USP30: variants seen among roughly 807,000 people sequenced by gnomAD.
USP30 encodes the protein ubiquitin carboxyl-terminal hydrolase 30.
In USP30, 41 loss-of-function variants were observed where a neutral mutation model predicts 68.2. The ratio of observed to expected loss-of-function variants is 0.60; its 90% CI spans 0.47 to 0.78. The LOEUF is 0.78. Ranked by LOEUF, USP30 falls within the 30% of genes least tolerant of loss-of-function variation. The pLI is 0.00. For synonymous variants in USP30, 229 were observed against 253.7 expected (o/e 0.90, Z 0.93); for missense variants, 522 against 649.4 (o/e 0.80, Z 2.13).
intron 11 of USP30, 123 bp from the exon 12 acceptor site, chr12:109,084,830 C>T: frequency 8.7e-7 from 1 of 1,149,440 alleles, no homozygotes; most frequent in Non-Finnish European, 1.2e-6. Flanking sequence ...TATATAATAC[C>T]AAATGAAATA....
At chr12:109,043,968 G>A (rs2040582901) in intron 3 of USP30, among the ~76,000 whole-genome samples, 1 of 152,138 alleles carries the variant, frequency 6.6e-6, no homozygotes, top group Admixed American at 6.5e-5. Flanking sequence ...GTAGCAACCC[G>A]TGTCCATCAA....
chr12:109,072,769 A>C (rs902390482), intron 6 of USP30, among the ~76,000 whole-genome samples: 1 of 152,234 alleles, frequency 6.6e-6, no homozygotes, highest in Non-Finnish European at 1.5e-5. Flanking sequence ...TCTGTGTAGT[A>C]ATAGGAACAA....
chr12:109,028,862 C>T (rs2040462714), intron 3 of USP30, among the ~76,000 whole-genome samples: 1 of 152,190 alleles, frequency 6.6e-6, no homozygotes, highest in African/African-American at 2.4e-5. Flanking sequence ...AGGATCCACC[C>T]GCATGATCCA....
chr12:109,063,128 C>G (rs1566091004), intron 3 of USP30, among the ~76,000 whole-genome samples: 1 of 151,480 alleles, frequency 6.6e-6, no homozygotes, highest in Non-Finnish European at 1.5e-5. Flanking sequence ...AAGACAAAGT[C>G]TCATTCTGTC....
At chr12:109,036,482 G>C (rs2040521801) in intron 3 of USP30, among the ~76,000 whole-genome samples, 1 of 152,022 alleles carries the variant, frequency 6.6e-6, no homozygotes, top group Non-Finnish European at 1.5e-5. Context: ...ATTTTGGATA[G>C]AGATGGGGTT....
rs550607592 is a variant in USP30, at chr12:109,063,100, C to T, written c.377-4424C>T. ...TTCATTTTTAAGGCTGAATAATATT[C>T]TTTCTATTTTTTTTTTTAAGACAAA... On this transcript the variant is annotated intron_variant, in intron 3 of 12. Transcript: ENST00000257548. 9.5e-3 allele frequency among the ~76,000 whole-genome samples: 1,153 copies of T among 121,930 alleles called. 9 individuals are homozygous for T. Among genetic ancestry groups the T allele is most frequent in the Non-Finnish European group, 0.016 (841 of 53,878 alleles). 80.0% of individuals were successfully genotyped at this position (121,930 alleles called of 152,430 possible).
At chr12:109,038,137 A>G (rs1196480249) in intron 3 of USP30, among the ~76,000 whole-genome samples, 3 of 151,176 alleles carry the variant, frequency 2.0e-5, no homozygotes, top group Non-Finnish European at 4.4e-5. Flanking sequence ...CCCAACATTC[A>G]TGAGCTGTTA....
At chr12:109,075,758 A>G (rs139772885) in intron 7 of USP30, among the ~76,000 whole-genome samples, 12 of 150,958 alleles carry the variant, frequency 7.9e-5, no homozygotes, top group African/African-American at 2.2e-4. Flanking sequence ...GCCTTTTCAT[A>G]TACCCACTGG....
At chr12:109,035,698 A>G (rs973514111) in intron 3 of USP30, among the ~76,000 whole-genome samples, 2 of 152,212 alleles carry the variant, frequency 1.3e-5, no homozygotes, top group African/African-American at 2.4e-5. Context: ...TTGGATTAAT[A>G]CCAACTTAAT....
intron 7 of USP30, among the ~76,000 whole-genome samples, chr12:109,080,605 A>G (rs1176336003): frequency 5.3e-5 from 8 of 152,220 alleles, no homozygotes; most frequent in Admixed American, 4.6e-4. Context: ...TTTGTTTAAC[A>G]TAGTGTTTCA....
intron 3 of USP30, among the ~76,000 whole-genome samples, chr12:109,034,102 T>C (rs2040502003): frequency 6.6e-6 from 1 of 152,164 alleles, no homozygotes; most frequent in Admixed American, 6.5e-5. Context: ...CAAAAACAGC[T>C]CAACGTGTCT....
chr12:109,036,953 G>A (rs982487636), intron 3 of USP30, among the ~76,000 whole-genome samples: 2 of 149,838 alleles, frequency 1.3e-5, no homozygotes, highest in African/African-American at 5.0e-5. Context: ...TTGATGTATA[G>A]ATTAATGTTT....
rs79010121 is a variant in USP30, at chr12:109,078,919, A to G, written c.721-2415A>G. 7.0e-3 allele frequency among the ~76,000 whole-genome samples: 1,066 copies of G among 152,132 alleles called. 20 individuals carry two copies. The highest frequency in any genetic ancestry group is 0.025 in the African/African-American group (1,030 of 41,506). ...TTCATCACTTTAAGGACATTGTTCT[A>G]TTGTCTTCTGGCCTCCATTTTCTCA... is the stretch of plus-strand genomic sequence containing the variant. On this transcript the variant is annotated intron_variant, in intron 7 of 12. Transcript: ENST00000257548.
intron 11 of USP30, among the ~76,000 whole-genome samples, chr12:109,083,298 G>C (rs1163290031): frequency 6.6e-6 from 1 of 152,192 alleles, no homozygotes; most frequent in Non-Finnish European, 1.5e-5. Flanking sequence ...AAAAAGTACA[G>C]AGAGAAACGC....
chr12:109,085,967 G>A lies in USP30; in HGVS notation c.*36G>A, dbSNP rs566988383. 3.8e-6 allele frequency: 6 copies of A among 1,596,438 alleles called. No homozygotes were observed. The South Asian group carries it at 5.6e-5, about 15-fold the overall frequency. On this transcript the variant is annotated 3_prime_UTR_variant, in exon 13 of 13. Coordinates refer to ENST00000257548, the MANE Select transcript of USP30 (RefSeq NM_032663.5). ...CTGCAAGGCTAGAGCTGATGGCACT[G>A]TCTGCACTGTCCAGGAAAAAAGTAA...
chr12:109,071,771 G>A, intron 5 of USP30, 61 bp downstream of exon 5: 2 of 1,428,190 alleles, frequency 1.4e-6, no homozygotes, highest in Non-Finnish European at 1.9e-6. Flanking sequence ...TAAGTATAGG[G>A]GAGGCAAGTG....
rs189097851 is a variant in USP30, at chr12:109,075,383, C to A, written c.720+1851C>A. ...TTTTTTTTTCAGACAGAGTCTCGCT[C>A]TGCTGCACCCAAACTAGAGTGCAGT... On this transcript the variant is annotated intron_variant, in intron 7 of 12. Coordinates refer to ENST00000257548, the MANE Select transcript of USP30 (RefSeq NM_032663.5). 1.2e-3 allele frequency among the ~76,000 whole-genome samples: 179 copies of A among 152,252 alleles called. 1 individual carries two copies. The highest frequency in any genetic ancestry group is 2.2e-3 in the Non-Finnish European group (149 of 68,010).
At chr12:109,082,462 T>C (rs1469628001) in intron 9 of USP30, 2 of 591,706 alleles carry the variant, frequency 3.4e-6, no homozygotes, top group African/African-American at 1.9e-5. Context: ...CTTCACATTC[T>C]CTTCCCTCCA....
intron 3 of USP30, among the ~76,000 whole-genome samples, chr12:109,030,036 A>T (rs1014872403): frequency 6.6e-6 from 1 of 152,252 alleles, no homozygotes; most frequent in Non-Finnish European, 1.5e-5. Flanking sequence ...GTGTTGAACT[A>T]TATTTTCTGC....
Sources: allele counts gnomAD v4.1 joint callset (sites outside exome capture counted in the v4.1 genomes callset), GRCh38; gene constraint gnomAD v4.1.1; transcripts MANE v1.5; gene names NCBI Gene and HGNC (gene_info 2026-07-23, HGNC 2026-07-21).